CDYL: variants seen among roughly 807,000 people sequenced by gnomAD.
CDYL encodes the protein chromodomain Y like.
CDYL carries 8 observed loss-of-function variants against 47.3 expected under a neutral mutation model. The ratio of observed to expected loss-of-function variants is 0.17; its 90% confidence interval spans 0.10 to 0.31. The LOEUF is 0.31. Ranked by LOEUF, CDYL falls within the 10% of genes least tolerant of loss-of-function variation. The probability of loss-of-function intolerance (pLI) is 1.00; values close to 1 mark genes in which losing one functional copy is unlikely to be tolerated. For missense variants in CDYL, 471 were observed against 701.4 expected (o/e 0.67, Z 3.71); for synonymous variants, 266 against 265.0 (o/e 1.00, Z -0.04).
At chr6:4,740,682 T>C (rs1449825924) in intron 3 of CDYL, among the ~76,000 whole-genome samples, 2 of 152,072 alleles carry the variant, frequency 1.3e-5, no homozygotes, top group Non-Finnish European at 2.9e-5. Flanking sequence ...GACCGGAGAG[T>C]GTGGGTGATA....
At chr6:4,860,161 A>G (rs1761123574) in intron 1 of CDYL, among the ~76,000 whole-genome samples, 1 of 152,102 alleles carries the variant, frequency 6.6e-6, no homozygotes, top group African/African-American at 2.4e-5. Flanking sequence ...TCGGCCTCCC[A>G]AAGTGCTGGA....
intron 1 of CDYL, among the ~76,000 whole-genome samples, chr6:4,833,651 C>G (rs1760211620): frequency 6.6e-6 from 1 of 151,246 alleles, no homozygotes; most frequent in South Asian, 2.1e-4. Flanking sequence ...TCTTGTTGAT[C>G]TGTCTAATGT....
chr6:4,870,767 A>G (rs1162835020), intron 1 of CDYL, among the ~76,000 whole-genome samples: 1 of 152,060 alleles, frequency 6.6e-6, no homozygotes, highest in African/African-American at 2.4e-5. Flanking sequence ...TTCTTCTGCC[A>G]TTTCAAATCT....
In CDYL at chr6:4,954,501, C is replaced by G. The variant is rs1337138890; in HGVS notation, c.*445C>G. The G allele has an allele frequency of 1.3e-5, 2 of 152,702 alleles. No homozygotes were observed. Among genetic ancestry groups the G allele is most frequent in the Non-Finnish European group, 2.9e-5 (2 of 68,116 alleles). 9.5% of individuals were successfully genotyped at this position (152,702 alleles called of 1,614,324 possible). A position where few individuals can be genotyped will look rare whatever the true frequency, so the allele number is the denominator to read the frequency against. ...ATTAGCCAGCCTCGCCTCCCTGCCC[C>G]ACGTAGAGACACAGAGTGATGTGAG... On this transcript the variant is annotated 3_prime_UTR_variant, in exon 7 of 7. Transcript: ENST00000397588.
chr6:4,723,303 T>C (rs540698258), intron 2 of CDYL, among the ~76,000 whole-genome samples: 3 of 152,196 alleles, frequency 2.0e-5, no homozygotes, highest in East Asian at 3.9e-4. Context: ...TGAGCATCTG[T>C]GGATTTTGGT....
intron 1 of CDYL, among the ~76,000 whole-genome samples, chr6:4,828,589 C>G (rs1213189310): frequency 6.6e-6 from 1 of 152,024 alleles, no homozygotes; most frequent in Non-Finnish European, 1.5e-5. Context: ...TATGATGTGT[C>G]TCAGTGTGGA....
intron 1 of CDYL, among the ~76,000 whole-genome samples, chr6:4,797,780 G>C (rs1242185439): frequency 6.6e-6 from 1 of 152,154 alleles, no homozygotes; most frequent in African/African-American, 2.4e-5. Context: ...TTTTGTAGCT[G>C]ATTAATACCC....
At chr6:4,797,183 T>C (rs905518576) in intron 1 of CDYL, among the ~76,000 whole-genome samples, 2 of 151,764 alleles carry the variant, frequency 1.3e-5, no homozygotes, top group African/African-American at 4.8e-5. Flanking sequence ...CTTTAATTTA[T>C]ATCCATCTTT....
At chr6:4,746,400 A>G (rs998614349) in intron 3 of CDYL, among the ~76,000 whole-genome samples, 5 of 151,208 alleles carry the variant, frequency 3.3e-5, no homozygotes, top group Non-Finnish European at 7.4e-5. Flanking sequence ...GCTGCAGGGT[A>G]GAGAATGGTT....
intron 1 of CDYL, among the ~76,000 whole-genome samples, chr6:4,885,544 T>C (rs1402042607): frequency 1.8e-4 from 28 of 152,088 alleles, no homozygotes; most frequent in Non-Finnish European, 4.0e-4. Context: ...TGATAAGGGG[T>C]GACTGTTACA....
chr6:4,779,648 A>G (rs1335347914), intron 1 of CDYL, among the ~76,000 whole-genome samples: 1 of 152,194 alleles, frequency 6.6e-6, no homozygotes, highest in Non-Finnish European at 1.5e-5. Context: ...TTTACTCCCT[A>G]CTTTTCCAGC....
chr6:4,940,282 G>T (rs2127523060), intron 4 of CDYL, among the ~76,000 whole-genome samples: 2 of 152,340 alleles, frequency 1.3e-5, no homozygotes, highest in African/African-American at 4.8e-5. Context: ...TTGTCAATGT[G>T]AATTTTCCTT....
At chr6:4,932,755 G>T (rs1426016256) in intron 2 of CDYL, among the ~76,000 whole-genome samples, 1 of 152,154 alleles carries the variant, frequency 6.6e-6, no homozygotes, top group African/African-American at 2.4e-5. Context: ...GCCTGCATCT[G>T]CACAGCATTG....
At chr6:4,867,694 A>G (rs1392767635) in intron 1 of CDYL, among the ~76,000 whole-genome samples, 2 of 148,836 alleles carry the variant, frequency 1.3e-5, no homozygotes, top group South Asian at 2.1e-4. Flanking sequence ...GCACAATCCT[A>G]TTTATCTGTT....
At chr6:4,816,332 A>G (rs1378190344) in intron 1 of CDYL, among the ~76,000 whole-genome samples, 1 of 151,756 alleles carries the variant, frequency 6.6e-6, no homozygotes, top group East Asian at 1.9e-4. Context: ...GGATTTTGTA[A>G]GTAGTAAAGG....
chr6:4,756,836 G>A (rs1258292110), intron 3 of CDYL, among the ~76,000 whole-genome samples: 2 of 152,254 alleles, frequency 1.3e-5, no homozygotes, highest in African/African-American at 2.4e-5. Context: ...CCAATCAGCT[G>A]TGTGAATTCA....
intron 1 of CDYL, among the ~76,000 whole-genome samples, chr6:4,826,583 T>C (rs944754157): frequency 6.6e-6 from 1 of 152,238 alleles, no homozygotes; most frequent in Non-Finnish European, 1.5e-5. Context: ...GTCTTCTACT[T>C]TCCCTTGTGA....
intron 2 of CDYL, among the ~76,000 whole-genome samples, chr6:4,893,709 A>AG (rs1187888970): frequency 6.6e-6 from 1 of 151,974 alleles, no homozygotes; most frequent in Non-Finnish European, 1.5e-5. Flanking sequence ...AAAAAAAAAA[A>AG]AGAGACTCCG....
At chr6:4,828,859 C>T (rs114125926) in intron 1 of CDYL, among the ~76,000 whole-genome samples, 4,039 of 151,998 alleles carry the variant, frequency 0.027, 176 homozygotes, top group African/African-American at 0.092. Context: ...TCTTCAAGTT[C>T]GTTGATTAAT....
Sources: allele counts gnomAD v4.1 joint callset (sites outside exome capture counted in the v4.1 genomes callset), GRCh38; gene constraint gnomAD v4.1.1; transcripts MANE v1.5; gene names NCBI Gene and HGNC (gene_info 2026-07-23, HGNC 2026-07-21).